C1GALT1: variants seen among roughly 807,000 people sequenced by gnomAD.
C1GALT1 encodes the protein glycoprotein-N-acetylgalactosamine 3-beta-galactosyltransferase 1.
C1GALT1 carries 11 observed loss-of-function variants against 31.0 expected under a neutral mutation model. The ratio of observed to expected loss-of-function variants is 0.36; its 90% CI spans 0.22 to 0.59. C1GALT1 has a LOEUF of 0.59. C1GALT1 is among the 20% of genes least tolerant of loss of function. The pLI is 0.79. For missense variants in C1GALT1, 424 were observed against 425.2 expected, an observed-to-expected ratio of 1.00 and a Z score of 0.03; for synonymous variants, 175 against 143.6, an observed-to-expected ratio of 1.22 and a Z score of -1.56.
intron 1 of C1GALT1, among the ~76,000 whole-genome samples, chr7:7,188,591 TA>T (rs59024934): frequency 0.21 from 32,223 of 151,686 alleles, 4,337 homozygotes; most frequent in African/African-American, 0.37. Context: ...GGTTATAAAA[TA>T]AAAAAAAATT....
intron 2 of C1GALT1, among the ~76,000 whole-genome samples, chr7:7,165,319 G>T (rs762692827): frequency 6.6e-6 from 1 of 152,154 alleles, no homozygotes; most frequent in Non-Finnish European, 1.5e-5. Context: ...AATAAAGCAC[G>T]CATCTAGGAG....
chr7:7,199,130 G>T (rs1212370909), intron 1 of C1GALT1, among the ~76,000 whole-genome samples: 1 of 152,132 alleles, frequency 6.6e-6, no homozygotes, highest in African/African-American at 2.4e-5. Context: ...TGTGATGTCA[G>T]GGTGTCAATT....
At chr7:7,193,368 C>T (rs940679995) in intron 1 of C1GALT1, among the ~76,000 whole-genome samples, 1 of 152,138 alleles carries the variant, frequency 6.6e-6, no homozygotes, top group Non-Finnish European at 1.5e-5. Flanking sequence ...CATTCTTCTA[C>T]ATGTGGCTTG....
upstream of C1GALT1, among the ~76,000 whole-genome samples, chr7:7,180,263 C>T (rs1481268487): frequency 1.3e-5 from 2 of 152,180 alleles, no homozygotes; most frequent in South Asian, 2.1e-4. Context: ...AAAGTAACCA[C>T]AATTTTTATT....
At chr7:7,218,487 A>G (rs1782353312) in intron 1 of C1GALT1, among the ~76,000 whole-genome samples, 1 of 152,212 alleles carries the variant, frequency 6.6e-6, no homozygotes, top group Non-Finnish European at 1.5e-5. Context: ...GAAAAGTGTC[A>G]TCAGAGTGGT....
chr7:7,242,066 C>T (rs1358986782), intron 3 of C1GALT1, among the ~76,000 whole-genome samples: 1 of 151,916 alleles, frequency 6.6e-6, no homozygotes, highest in Non-Finnish European at 1.5e-5. Flanking sequence ...TTATTGAGCA[C>T]TTGAAATGTG....
chr7:7,172,781 T>C (rs1047956343), intron 2 of C1GALT1, among the ~76,000 whole-genome samples: 1 of 152,226 alleles, frequency 6.6e-6, no homozygotes, highest in Non-Finnish European at 1.5e-5. Context: ...GGTACATTTG[T>C]TACTATCAAT....
chr7:7,161,814 G>T (rs1411610836), intron 2 of C1GALT1, among the ~76,000 whole-genome samples: 1 of 152,078 alleles, frequency 6.6e-6, no homozygotes, highest in East Asian at 1.9e-4. Context: ...TATGGTAGGT[G>T]CTATTTCAAG....
intron 1 of C1GALT1, among the ~76,000 whole-genome samples, chr7:7,202,563 C>T (rs567770058): frequency 6.6e-6 from 1 of 152,206 alleles, no homozygotes; most frequent in Admixed American, 6.5e-5. Flanking sequence ...CCTCTGAATT[C>T]TTTATTTCAT....
At position 7,238,805 on chromosome 7, in the gene C1GALT1, C is replaced by G. The variant is rs772440335; in HGVS notation, c.771C>G (p.Ser257=). 4 of 1,613,766 alleles carry G rather than the reference C, an allele frequency of 2.5e-6. No individual in the cohort carries two copies. In the South Asian group the frequency reaches 4.4e-5, roughly 18 times the overall value. Residue 257 remains serine (S), a synonymous_variant, in exon 3 of 4, where the codon TCC becomes TCG. Transcript: ENST00000436587. This position sits in a 1 kb window ranked among gnomAD's most constrained non-coding sequence, Gnocchi z 5.2. The stretch of plus-strand genomic sequence containing the variant: ...TTATGAATGTAGAAGCAGGAGATTC[C>G]AGAGATACCATTGGAAAAGAAACTT... The part of the protein sequence containing the change: ...MEIMNVEAGD[S]RDTIGKETFH...
In C1GALT1 at chr7:7,238,375, G is replaced by A. The variant is rs1464121065; in HGVS notation, c.341G>A (p.Arg114His). ...AKHVKATWAQ[R>H]CNKVLFMSSE... is the part of the protein sequence containing the mutation. ...CACGTCAAAGCTACTTGGGCCCAGC[G>A]TTGTAACAAAGTGTTGTTTATGAGT... Residue 114 changes from arginine to histidine, a missense_variant, in exon 3 of 4, where the codon CGT becomes CAT. By Grantham distance (29) the Arg-to-His change is conservative. Transcript: ENST00000436587. This position sits in a 1 kb window ranked among gnomAD's most constrained non-coding sequence, Gnocchi z 5.2. 1.2e-5 allele frequency: 20 copies of A among 1,613,970 alleles called. No individual in the cohort carries two copies. The highest frequency in any genetic ancestry group is 2.2e-5 in the East Asian group (1 of 44,888).
At chr7:7,202,994 C>G (rs550113007) in intron 1 of C1GALT1, among the ~76,000 whole-genome samples, 35 of 151,062 alleles carry the variant, frequency 2.3e-4, no homozygotes, top group African/African-American at 8.0e-4. Flanking sequence ...GGAATTATTA[C>G]TTCAAGAAGT....
upstream of C1GALT1, among the ~76,000 whole-genome samples, chr7:7,177,674 GCTA>G (rs1285838402): frequency 1.3e-5 from 2 of 152,120 alleles, no homozygotes; most frequent in African/African-American, 2.4e-5. Context: ...TATGAATGAT[GCTA>G]CTATTTTATA....
chr7:7,211,276 G>A lies in C1GALT1; in HGVS notation c.-17-23027G>A, dbSNP rs547909574. Among the ~76,000 whole-genome samples the A allele has an allele frequency of 1.6e-4, 24 of 152,290 alleles. No homozygotes were observed. The South Asian group carries it at 5.0e-3, about 32-fold the overall frequency. On this transcript the variant is annotated intron_variant, in intron 1 of 3. Coordinates refer to ENST00000436587, the MANE Select transcript of C1GALT1 (RefSeq NM_020156.5). Reference sequence around the variant, plus strand: ...CCAATTCCTTAAGGAAGACTGGAATGTATTAAAGAAGAATTTGTAGCCACC... The same window carrying A: ...CCAATTCCTTAAGGAAGACTGGAATATATTAAAGAAGAATTTGTAGCCACC...
intron 1 of C1GALT1, chr7:7,210,415 C>CTTTTTTTTTTTTT (rs562711064): frequency 1.8e-4 from 15 of 85,144 alleles, no homozygotes; most frequent in East Asian, 7.7e-4. Flanking sequence ...TGGGCAGATT[C>CTTTTTTTTTTTTT]TTTTTTTTTT....
chr7:7,163,329 G>T (rs1562550949), intron 2 of C1GALT1, among the ~76,000 whole-genome samples: 1 of 151,996 alleles, frequency 6.6e-6, no homozygotes, highest in South Asian at 2.1e-4. Flanking sequence ...AATAATAAGA[G>T]CTATCTATGA....
At chr7:7,170,625 A>G (rs1562552825) in intron 2 of C1GALT1, among the ~76,000 whole-genome samples, 2 of 152,166 alleles carry the variant, frequency 1.3e-5, no homozygotes, top group South Asian at 4.1e-4. Context: ...TCTACTAAAA[A>G]TATGAAAATT....
Position 7,243,675 on chromosome 7 carries a change from T to C in C1GALT1, c.1040T>C (p.Ile347Thr). Reference sequence around the variant, plus strand: ...TTACCTGAACGTATACTAAAGGAAATTAGTCAAGCAAACAAAAATGAAGAT... The same window carrying C: ...TTACCTGAACGTATACTAAAGGAAACTAGTCAAGCAAACAAAAATGAAGAT... ...PTLPERILKE[I>T]SQANKNEDTK... Residue 347 changes from isoleucine to threonine, a missense_variant, in exon 4 of 4, where the codon ATT becomes ACT. Around this residue, in one of 3 missense-constraint regions of C1GALT1, gnomAD observed 191 missense variants for 188.8 expected, o/e 1.01. Coordinates refer to ENST00000436587, the MANE Select transcript of C1GALT1 (RefSeq NM_020156.5). 6.2e-7 allele frequency: 1 copy of C among 1,604,640 alleles called. No homozygotes were observed. Among genetic ancestry groups the C allele is most frequent in the Non-Finnish European group, 8.5e-7 (1 of 1,177,596 alleles).
At chr7:7,227,813 A>T (rs112136971) in intron 1 of C1GALT1, among the ~76,000 whole-genome samples, 6,720 of 151,856 alleles carry the variant, frequency 0.044, 293 homozygotes, top group African/African-American at 0.12. Flanking sequence ...CCACCTCAAG[A>T]CTCTTCAGAG....
Sources: allele counts gnomAD v4.1 joint callset (sites outside exome capture counted in the v4.1 genomes callset), GRCh38; gene constraint gnomAD v4.1.1; regional missense constraint gnomAD v4.1.1; non-coding constraint Gnocchi (gnomAD v3.1); transcripts MANE v1.5; gene names NCBI Gene and HGNC (gene_info 2026-07-23, HGNC 2026-07-21).